Variants in AKAP13 observed in about 807,000 individuals in gnomAD.
AKAP13 encodes A-kinase anchor protein 13.
AKAP13 carries 80 observed loss-of-function variants against 264.5 expected under a neutral mutation model. That is an observed-to-expected ratio of 0.30 (90% CI 0.25 to 0.36). The LOEUF (loss-of-function observed/expected upper bound fraction) is 0.36, where lower values mean the gene tolerates loss of function less well. Ranked by LOEUF, AKAP13 falls within the 10% of genes least tolerant of loss-of-function variation. The probability of loss-of-function intolerance (pLI) is 1.00; values close to 1 mark genes in which losing one functional copy is unlikely to be tolerated. For missense variants in AKAP13, 3,712 were observed against 3,435.2 expected (o/e 1.08, Z -2.01); for synonymous variants, 1,380 against 1,250.2 (o/e 1.10, Z -2.19).
At chr15:85,741,596 T>G in intron 35 of AKAP13, 101 bp downstream of exon 35, 2 of 1,433,218 alleles carry the variant, frequency 1.4e-6, no homozygotes, top group Middle Eastern at 1.8e-4. Flanking sequence ...TAGAGCCTGT[T>G]TTTGGCCAGA....
intron 10 of AKAP13, among the ~76,000 whole-genome samples, chr15:85,653,173 A>G (rs865809307): frequency 6.6e-6 from 1 of 152,210 alleles, no homozygotes. Context: ...AATACCTACC[A>G]CAATTTAGAA....
At chr15:85,494,454 G>A (rs998971941) in intron 2 of AKAP13, among the ~76,000 whole-genome samples, 11 of 152,172 alleles carry the variant, frequency 7.2e-5, no homozygotes, top group African/African-American at 1.9e-4. Flanking sequence ...ATTAGGCGAC[G>A]TGGATGAATC....
At chr15:85,533,246 C>G (rs1422873258) in intron 3 of AKAP13, among the ~76,000 whole-genome samples, 1 of 152,148 alleles carries the variant, frequency 6.6e-6, no homozygotes, top group African/African-American at 2.4e-5. Context: ...CTTGAAGGTC[C>G]TTCAGCTTTC....
In AKAP13 at chr15:85,741,613, T is replaced by C. The variant is rs2088968895; in HGVS notation, c.8058+118T>C. ...GAGCCTGTTTTTGGCCAGATGCTCA[T>C]GCCTGTGATCCCAGCACTTTAGGAG... On this transcript the variant is annotated intron_variant, in intron 35 of 36. Transcript: ENST00000394518. 3 of 1,412,494 alleles carry C rather than the reference T, an allele frequency of 2.1e-6. No individual in the cohort carries two copies. The South Asian group carries it at 4.7e-5, about 22-fold the overall frequency. 87.5% of individuals were successfully genotyped at this position (1,412,494 alleles called of 1,614,324 possible).
chr15:85,447,804 C>A (rs914499865), intron 1 of AKAP13, among the ~76,000 whole-genome samples: 5 of 152,262 alleles, frequency 3.3e-5, no homozygotes, highest in Admixed American at 6.5e-5. Flanking sequence ...CTTGTCTTTG[C>A]TGTTGTGAAC....
intron 31 of AKAP13, 39 bp downstream of exon 31, chr15:85,735,189 T>A: frequency 6.3e-7 from 1 of 1,599,166 alleles, no homozygotes; most frequent in Non-Finnish European, 8.5e-7. Context: ...TAGGCAATCC[T>A]TGACTATCTC....
At chr15:85,528,612 A>T (rs2077156661) in intron 3 of AKAP13, among the ~76,000 whole-genome samples, 1 of 152,212 alleles carries the variant, frequency 6.6e-6, no homozygotes, top group African/African-American at 2.4e-5. Context: ...CAGGATAACC[A>T]AATCTGTTGC....
At chr15:85,463,188 G>A (rs1449886624) in intron 1 of AKAP13, among the ~76,000 whole-genome samples, 1 of 152,086 alleles carries the variant, frequency 6.6e-6, no homozygotes, top group East Asian at 1.9e-4. Flanking sequence ...CCTGGAAAAT[G>A]TGGGACAGTC....
chr15:85,729,818 C>T (rs1198726341), intron 29 of AKAP13, among the ~76,000 whole-genome samples: 1 of 152,160 alleles, frequency 6.6e-6, no homozygotes, highest in Non-Finnish European at 1.5e-5. Context: ...TGCCTGTAAT[C>T]CCAGCTCCTT....
intron 8 of AKAP13, among the ~76,000 whole-genome samples, chr15:85,634,487 A>G (rs924864857): frequency 6.6e-6 from 1 of 152,238 alleles, no homozygotes; most frequent in Non-Finnish European, 1.5e-5. Flanking sequence ...TTAAAGGGTT[A>G]TAATGTTAAG....
intron 1 of AKAP13, among the ~76,000 whole-genome samples, chr15:85,385,476 G>C (rs564104246): frequency 6.5e-4 from 99 of 152,186 alleles, no homozygotes; most frequent in African/African-American, 2.3e-3. Flanking sequence ...TATATCCACT[G>C]CTGCAAACAG....
intron 8 of AKAP13, among the ~76,000 whole-genome samples, chr15:85,612,404 T>A (rs2080679701): frequency 6.6e-6 from 1 of 152,254 alleles, no homozygotes; most frequent in Non-Finnish European, 1.5e-5. Flanking sequence ...AGATTTTTTT[T>A]ACTGGTGGTT....
chr15:85,718,880 C>A lies in AKAP13; in HGVS notation c.6002-196C>A. On this transcript the variant is annotated intron_variant, in intron 22 of 36. Coordinates refer to ENST00000394518, the MANE Select transcript of AKAP13 (RefSeq NM_007200.5). This position sits in a 1 kb window ranked among gnomAD's most constrained non-coding sequence, Gnocchi z 4.9. ...TCAGCCTGCACTTCAGCCTGGGTGA[C>A]AGAGCCAGAACCTGTCTTAAAAAAA... 1.6e-6 allele frequency: 1 copy of A among 643,178 alleles called. No individual in the cohort carries two copies. The highest frequency in any genetic ancestry group is 2.5e-6 in the Non-Finnish European group (1 of 400,232). The allele number at this position is 643,178 out of a possible 1,614,324, so 39.8% of individuals were successfully genotyped here.
chr15:85,381,339 C>T (rs1375957318), intron 1 of AKAP13, among the ~76,000 whole-genome samples: 4 of 151,944 alleles, frequency 2.6e-5, no homozygotes, highest in Non-Finnish European at 5.9e-5. Context: ...CTGTCGGTGC[C>T]TCTCCGCGGC....
rs1329514937 is a variant in AKAP13 at position 85,741,725 on chromosome 15, C to CAA, written c.8058+232_8058+233dup. Among the ~76,000 whole-genome samples, 100 of 80,886 alleles carry CAA rather than the reference C, an allele frequency of 1.2e-3. 1 individual carries two copies. Among genetic ancestry groups the CAA allele is most frequent in the African/African-American group, 3.6e-3 (66 of 18,284 alleles). 53.1% of individuals were successfully genotyped at this position (80,886 alleles called of 152,430 possible). On this transcript the variant is annotated intron_variant, in intron 35 of 36. Coordinates refer to ENST00000394518, the MANE Select transcript of AKAP13 (RefSeq NM_007200.5). ...AAAAAAAAAAAAAAAAACAAACAAA[C>CAA]AAACAAAAAAAAAAAACAGTTTTTA... is the stretch of plus-strand genomic sequence containing the variant.
At chr15:85,630,682 T>A (rs1367999842) in intron 8 of AKAP13, among the ~76,000 whole-genome samples, 1 of 152,132 alleles carries the variant, frequency 6.6e-6, no homozygotes, top group Admixed American at 6.6e-5. Context: ...CTTCCTTTTC[T>A]AGAAAGTAAC....
chr15:85,683,654 A>G (rs2084733759), intron 15 of AKAP13: 1 of 152,182 alleles, frequency 6.6e-6, no homozygotes, highest in Admixed American at 6.5e-5. Context: ...ATTTTTTAGT[A>G]GAGACGGGGT....
intron 10 of AKAP13, among the ~76,000 whole-genome samples, chr15:85,653,855 C>T (rs1348499829): frequency 2.0e-5 from 3 of 152,204 alleles, no homozygotes; most frequent in African/African-American, 7.2e-5. Context: ...CTCTTAGACA[C>T]TTCTTTTGGC....
intron 5 of AKAP13, among the ~76,000 whole-genome samples, chr15:85,564,862 G>C (rs1456159092): frequency 6.6e-6 from 1 of 152,184 alleles, no homozygotes; most frequent in East Asian, 1.9e-4. Flanking sequence ...CAGGTCAGGA[G>C]ATACACGGTC....
Sources: gnomAD v4.1 joint callset for allele counts (sites outside exome capture counted in the v4.1 genomes callset) on GRCh38, gnomAD v4.1.1 for gene constraint, Gnocchi (gnomAD v3.1) non-coding constraint, MANE v1.5 for transcripts, NCBI Gene and HGNC (gene_info 2026-07-23, HGNC 2026-07-21) for gene names.